TEDC1: variants seen among roughly 807,000 people sequenced by gnomAD.
The protein encoded by TEDC1 is tubulin epsilon and delta complex 1.
A neutral mutation model predicts 59.9 loss-of-function variants in TEDC1; 54 were observed. The ratio of observed to expected loss-of-function variants is 0.90; its 90% CI spans 0.72 to 1.13. The LOEUF (loss-of-function observed/expected upper bound fraction) is 1.13. Among genes scored for constraint, TEDC1 ranks in the 50% most tolerant of loss-of-function variants. The probability of loss-of-function intolerance (pLI) is 0.00; values close to 1 mark genes in which losing one functional copy is unlikely to be tolerated. For synonymous variants in TEDC1, 353 were observed against 298.1 expected (o/e 1.18, Z -1.90); for missense variants, 734 against 683.4 (o/e 1.07, Z -0.83).
At position 105,498,975 on chromosome 14, in the gene TEDC1, A is replaced by G; in HGVS notation, c.*29A>G. ...CCTGTCGACGGGCCCTCGTGTGGGA[A>G]GCCTGCCCTGGCCCAGCCTGGCTGG... is the stretch of plus-strand genomic sequence containing the variant. On this transcript the variant is annotated 3_prime_UTR_variant, in exon 9 of 9. Coordinates refer to ENST00000392523, the MANE Select transcript of TEDC1 (RefSeq NM_001367178.1). 1.3e-6 allele frequency: 2 copies of G among 1,569,980 alleles called. No homozygotes were observed. Among genetic ancestry groups the G allele is most frequent in the East Asian group, 2.3e-5 (1 of 43,648 alleles).
chr14:105,497,580 A>G (rs1162334591), intron 7 of TEDC1, 137 bp downstream of exon 7: 3 of 1,186,022 alleles, frequency 2.5e-6, no homozygotes, highest in Admixed American at 2.7e-5. Context: ...GGCTCTTTCT[A>G]GGACTTCCAC....
At chr14:105,493,964 GGGGGTGGGCT>G (rs782663536) in intron 5 of TEDC1, 31 bp downstream of exon 5, 3 of 828,194 alleles carry the variant, frequency 3.6e-6, no homozygotes, top group South Asian at 1.6e-5. Flanking sequence ...GCGGGGGGGT[GGGGGTGGGCT>G]GGGGGGCACA....
intron 5 of TEDC1, chr14:105,495,659 G>T (rs2084327535): frequency 1.8e-6 from 1 of 561,396 alleles, no homozygotes; most frequent in African/African-American, 1.9e-5. Context: ...TACCTGCCTT[G>T]TAGAGGCGGC....
At chr14:105,496,337 C>T in intron 6 of TEDC1, 2 of 524,840 alleles carry the variant, frequency 3.8e-6, no homozygotes, top group East Asian at 3.4e-5. Flanking sequence ...CAGCCTGCTC[C>T]AGCTCCCACA....
At chr14:105,490,844 G>A (rs1437022185), upstream of TEDC1, 9 of 664,500 alleles carry the variant, frequency 1.4e-5, 1 homozygote, top group Non-Finnish European at 2.1e-5. Flanking sequence ...CGGAGTCTGC[G>A]CGCTCCCGCC....
chr14:105,496,407 T>A, intron 6 of TEDC1: 1 of 337,630 alleles, frequency 3.0e-6, no homozygotes, highest in Non-Finnish European at 5.5e-6. Flanking sequence ...GCCTCTGCTC[T>A]GCTCCGCCCC....
chr14:105,497,328 T>G, intron 6 of TEDC1, 29 bp from the exon 7 acceptor site: 1 of 1,547,356 alleles, frequency 6.5e-7, no homozygotes, highest in African/African-American at 1.4e-5. Flanking sequence ...CCGTGTGAGG[T>G]TCTAGGCCAG....
At position 105,498,717 on chromosome 14, in the gene TEDC1, G is replaced by A. The variant is rs587693244; in HGVS notation, c.1259G>A (p.Arg420Gln). 107 of 1,554,698 alleles carry A rather than the reference G, an allele frequency of 6.9e-5. 1 individual carries two copies. The highest frequency in any genetic ancestry group is 6.8e-4 in the South Asian group (57 of 84,392). The change falls in exon 9 of 9, where the codon CGA becomes CAA. Residue 420 changes from arginine (R) to glutamine (Q), a missense_variant. Physicochemically the swap from Arg to Gln is conservative, Grantham distance 43. Coordinates refer to ENST00000392523, the MANE Select transcript of TEDC1 (RefSeq NM_001367178.1). The stretch of plus-strand genomic sequence containing the variant: ...GGAGCTCTACAGCAGTGCTGGGAGC[G>A]AGACGGTGGCCCGGCCCAGCCCCAT... ...ELGALQQCWE[R>Q]DGGPAQPHGP...
In TEDC1 at chr14:105,491,379, G is replaced by GGGA. The variant is rs1555439210; in HGVS notation, c.7_9dup (p.Arg5dup). On this transcript the variant is annotated inframe_insertion, in exon 1 of 9. Coordinates refer to ENST00000392523, the MANE Select transcript of TEDC1 (RefSeq NM_001367178.1). Reference sequence around the variant, plus strand: ...GAAAGAGGCTGGTGCTGGCTGCATGGGGAGGCGGCGGCAGCGGGTGGACCC... The same window carrying GGGA: ...GAAAGAGGCTGGTGCTGGCTGCATGGGGAGGAGGCGGCGGCAGCGGGTGGACCC... 1.2e-5 allele frequency: 17 copies of GGGA among 1,425,188 alleles called. No individual in the cohort carries two copies. The highest frequency in any genetic ancestry group is 2.6e-4 in the Middle Eastern group (1 of 3,878). The allele number at this position is 1,425,188 out of a possible 1,614,324, so 88.3% of individuals were successfully genotyped here. A position where few individuals can be genotyped will look rare whatever the true frequency, so the allele number is the denominator to read the frequency against.
At chr14:105,491,161 G>T, upstream of TEDC1, 2 of 1,550,652 alleles carry the variant, frequency 1.3e-6, no homozygotes, top group Non-Finnish European at 8.7e-7. Flanking sequence ...TTGGGTACAG[G>T]TCTCGGCCAG....
In TEDC1 at chr14:105,492,635, T is replaced by C. The variant is rs369312470; in HGVS notation, c.486T>C (p.Pro162=). ...CACCCCACATGGAAGCAGAGGGTCCTGTGGATGTCCGCCATGTGCAGTGGC... is the reference window on the plus strand; with the variant it reads ...CACCCCACATGGAAGCAGAGGGTCCCGTGGATGTCCGCCATGTGCAGTGGC... The part of the protein sequence containing the change: ...PPAPHMEAEG[P]VDVRHVQWLM... Residue 162 remains proline (P), a synonymous_variant, in exon 4 of 9, where the codon CCT becomes CCC. Transcript: ENST00000392523. 544 of 1,543,792 alleles carry C rather than the reference T, an allele frequency of 3.5e-4. 9 individuals are homozygous for C. In the South Asian group the frequency reaches 5.8e-3, roughly 16 times the overall value.
chr14:105,497,986 CAGCCTCGCTCTGGGCACCAG>C lies in TEDC1; in HGVS notation c.1158+10_1158+29del. ...CGGCCTGGGAGGCCAAGGTGAGTGCCAGCCTCGCTCTGGGCACCAGCCCAGCCCCACCTTCGGGGGATGGC... is the reference window on the plus strand; with the variant it reads ...CGGCCTGGGAGGCCAAGGTGAGTGCCCCCAGCCCCACCTTCGGGGGATGGC... On this transcript the variant is annotated intron_variant, in intron 8 of 8. Coordinates refer to ENST00000392523, the MANE Select transcript of TEDC1 (RefSeq NM_001367178.1). 1.3e-5 allele frequency: 19 copies of C among 1,510,466 alleles called. No individual in the cohort carries two copies. Among genetic ancestry groups the C allele is most frequent in the Non-Finnish European group, 1.7e-5 (19 of 1,127,674 alleles). 93.6% of individuals were successfully genotyped at this position (1,510,466 alleles called of 1,614,324 possible).
In TEDC1 at chr14:105,495,737, C is replaced by T. The variant is rs1020747732; in HGVS notation, c.685-143C>T. On this transcript the variant is annotated intron_variant, in intron 5 of 8. Coordinates refer to ENST00000392523, the MANE Select transcript of TEDC1 (RefSeq NM_001367178.1). ...GGGCAGAGGAGAGGCTGCCCTGGCCCCAGGCTGCTCCTGCCCAGTGCCTCT... is the reference window on the plus strand; with the variant it reads ...GGGCAGAGGAGAGGCTGCCCTGGCCTCAGGCTGCTCCTGCCCAGTGCCTCT... 3.0e-5 allele frequency: 21 copies of T among 705,320 alleles called. No homozygotes were observed. The African/African-American group carries it at 3.7e-4, about 13-fold the overall frequency. 43.7% of individuals were successfully genotyped at this position (705,320 alleles called of 1,614,324 possible).
chr14:105,496,894 C>G (rs1555440534), intron 6 of TEDC1: 1 of 216,906 alleles, frequency 4.6e-6, no homozygotes, highest in African/African-American at 2.4e-5. Flanking sequence ...TTTCCCTCCC[C>G]CAGAGCCTGG....
At chr14:105,496,861 C>T (rs1163062633) in intron 6 of TEDC1, 1 of 203,288 alleles carries the variant, frequency 4.9e-6, no homozygotes, top group African/African-American at 2.4e-5. Context: ...CTTAGGGGGT[C>T]CCTGAAGTTA....
chr14:105,491,304 C>A lies in TEDC1; in HGVS notation c.-72C>A. On this transcript the variant is annotated 5_prime_UTR_variant, in exon 1 of 9. Transcript: ENST00000392523. Reference sequence around the variant, plus strand: ...CCCAGCCGCCGCACTAAACCCGGCCCGTGCGGTGATTGGACGCAGGCCCCG... The same window carrying A: ...CCCAGCCGCCGCACTAAACCCGGCCAGTGCGGTGATTGGACGCAGGCCCCG... The A allele has an allele frequency of 2.7e-6, 4 of 1,492,304 alleles. No homozygotes were observed. Among genetic ancestry groups the A allele is most frequent in the Admixed American group, 2.1e-5 (1 of 46,552 alleles). 92.4% of individuals were successfully genotyped at this position (1,492,304 alleles called of 1,614,324 possible).
Position 105,498,995 on chromosome 14 carries a change from G to A in TEDC1, c.*49G>A, listed in dbSNP as rs782111380. 1.3e-6 allele frequency: 2 copies of A among 1,533,694 alleles called. No individual in the cohort carries two copies. The highest frequency in any genetic ancestry group is 2.7e-5 in the African/African-American group (2 of 73,400). Reference sequence around the variant, plus strand: ...TGGGAAGCCTGCCCTGGCCCAGCCTGGCTGGGTCTTGGAGGAGCAGATTCC... The same window carrying A: ...TGGGAAGCCTGCCCTGGCCCAGCCTAGCTGGGTCTTGGAGGAGCAGATTCC... On this transcript the variant is annotated 3_prime_UTR_variant, in exon 9 of 9. Coordinates refer to ENST00000392523, the MANE Select transcript of TEDC1 (RefSeq NM_001367178.1).
At chr14:105,494,283 A>AG in intron 5 of TEDC1, 1 of 344,752 alleles carries the variant, frequency 2.9e-6, no homozygotes, top group Non-Finnish European at 5.6e-6. Context: ...CATCTCAAGC[A>AG]GGTCTCACTT....
In TEDC1 at chr14:105,495,989, T is replaced by A. The variant is rs1359808530; in HGVS notation, c.794T>A (p.Leu265Gln). The A allele has an allele frequency of 1.5e-5, 24 of 1,550,166 alleles. No homozygotes were observed. Among genetic ancestry groups the A allele is most frequent in the Non-Finnish European group, 2.1e-5 (24 of 1,146,938 alleles). ...AGAACCTTCTGGAATGATCTGTGGC[T>A]GGTATGTGAGCAGCCAGGTCTGCTG... Reference protein sequence around the residue: ...GPRTFWNDLWLVCEQPGLLPG... With the variant: ...GPRTFWNDLWQVCEQPGLLPG... The change falls in exon 6 of 9, where the codon CTG becomes CAG. Residue 265 changes from leucine (L) to glutamine (Q), a missense_variant. Physicochemically the swap from Leu to Gln is moderately radical, Grantham distance 113. Transcript: ENST00000392523.
Sources: allele counts gnomAD v4.1 joint callset, GRCh38; gene constraint gnomAD v4.1.1; transcripts MANE v1.5; gene names NCBI Gene and HGNC (gene_info 2026-07-23, HGNC 2026-07-21).